The following LINGO2 variants were observed in gnomAD, a reference collection of about 807,000 sequenced individuals.
LINGO2 encodes leucine-rich repeat and immunoglobulin-like domain-containing nogo receptor-interacting protein 2.
In LINGO2, 14 loss-of-function variants were observed where a neutral mutation model predicts 30.6. The ratio of observed to expected loss-of-function variants is 0.46; its 90% CI spans 0.30 to 0.72. LINGO2 has a LOEUF of 0.72. Among genes scored for constraint, LINGO2 ranks in the 30% least tolerant of loss-of-function variants. The pLI is 0.07. For missense variants in LINGO2, 729 were observed against 751.7 expected (o/e 0.97, Z 0.35); for synonymous variants, 317 against 288.5 (o/e 1.10, Z -1.00).
chr9:29,105,027 G>C, the LINGO2 span, among the ~76,000 whole-genome samples: 1 of 152,086 alleles, frequency 6.6e-6, no homozygotes, highest in South Asian at 2.1e-4. Context: ...TAACAACAGA[G>C]CTATGAACAT....
At chr9:28,354,665 T>C (rs1254518480) in intron 3 of LINGO2, among the ~76,000 whole-genome samples, 1 of 152,208 alleles carries the variant, frequency 6.6e-6, no homozygotes, top group Non-Finnish European at 1.5e-5. Flanking sequence ...AACAACCCTG[T>C]ACACATTTTT....
chr9:28,083,261 C>T (rs1476897588), intron 4 of LINGO2, among the ~76,000 whole-genome samples: 3 of 152,198 alleles, frequency 2.0e-5, no homozygotes, highest in Non-Finnish European at 4.4e-5. Context: ...CTCTGTCATT[C>T]CTGGCTTTGG....
the LINGO2 span, among the ~76,000 whole-genome samples, chr9:28,790,325 C>CTTTTTTTTTTTTTTTTTTTTTTTTTTTT: frequency 7.5e-5 from 8 of 106,300 alleles, no homozygotes; most frequent in African/African-American, 1.6e-4. Flanking sequence ...TCTTTTCTTT[C>CTTTTTTTTTTTTTTTTTTTTTTTTTTTT]TTTTTTTTTT....
At chr9:28,136,043 G>T (rs1034821284) in intron 4 of LINGO2, among the ~76,000 whole-genome samples, 1 of 152,038 alleles carries the variant, frequency 6.6e-6, no homozygotes, top group Admixed American at 6.5e-5. Flanking sequence ...TATTTCTAAG[G>T]TTTCTTCAAT....
intron 4 of LINGO2, among the ~76,000 whole-genome samples, chr9:28,274,989 G>A: frequency 6.6e-6 from 1 of 152,176 alleles, no homozygotes; most frequent in Non-Finnish European, 1.5e-5. Context: ...TTTCCTGTCA[G>A]TATGAGTATC....
the LINGO2 span, among the ~76,000 whole-genome samples, chr9:29,152,848 G>A: frequency 4.0e-5 from 6 of 151,844 alleles, no homozygotes; most frequent in Non-Finnish European, 5.9e-5. Context: ...ACTAGCTTCC[G>A]GGTATTTTCT....
At chr9:28,349,739 C>T (rs1418123079) in intron 3 of LINGO2, among the ~76,000 whole-genome samples, 1 of 148,578 alleles carries the variant, frequency 6.7e-6, no homozygotes, top group Non-Finnish European at 1.5e-5. Flanking sequence ...ATGTTAAGGG[C>T]AGCCAGAGAG....
At chr9:28,551,753 T>A (rs758680278) in intron 1 of LINGO2, among the ~76,000 whole-genome samples, 2 of 152,088 alleles carry the variant, frequency 1.3e-5, no homozygotes, top group Non-Finnish European at 2.9e-5. Context: ...AGACACTGTA[T>A]ATTGACATTC....
the LINGO2 span, among the ~76,000 whole-genome samples, chr9:29,149,300 G>A: frequency 6.6e-6 from 1 of 151,800 alleles, no homozygotes; most frequent in African/African-American, 2.4e-5. Context: ...ACCAGCCTGG[G>A]CAACACTGCC....
chr9:28,551,575 T>C (rs72713588), intron 1 of LINGO2, among the ~76,000 whole-genome samples: 6,077 of 152,068 alleles, frequency 0.04, 170 homozygotes, highest in Non-Finnish European at 0.057. Context: ...AATTCAGTGG[T>C]TGTACACAAA....
At chr9:28,058,508 T>A (rs1176670691) in intron 4 of LINGO2, among the ~76,000 whole-genome samples, 2 of 152,168 alleles carry the variant, frequency 1.3e-5, no homozygotes, top group Admixed American at 1.3e-4. Flanking sequence ...TAGTTTCTCT[T>A]ACTGGACTTA....
chr9:28,149,586 G>A (rs539500039), intron 4 of LINGO2, among the ~76,000 whole-genome samples: 363 of 146,732 alleles, frequency 2.5e-3, no homozygotes, highest in Non-Finnish European at 3.9e-3. Context: ...TGTGGAGTCC[G>A]CCGCCCTGTC....
chr9:28,986,503 A>G, the LINGO2 span, among the ~76,000 whole-genome samples: 1 of 152,176 alleles, frequency 6.6e-6, no homozygotes, highest in South Asian at 2.1e-4. Context: ...TCCAATATAT[A>G]AACACAAACC....
chr9:28,199,630 G>T (rs765268920), intron 4 of LINGO2, among the ~76,000 whole-genome samples: 2 of 152,040 alleles, frequency 1.3e-5, no homozygotes, highest in African/African-American at 2.4e-5. Context: ...GAGCCACTGC[G>T]CCTGGCCCCT....
chr9:28,218,338 T>A (rs1480715729), intron 4 of LINGO2, among the ~76,000 whole-genome samples: 1 of 151,816 alleles, frequency 6.6e-6, no homozygotes, highest in African/African-American at 2.4e-5. Flanking sequence ...ATGAGGTCCC[T>A]AAGCTAGTTA....
chr9:29,045,864 G>T, the LINGO2 span, among the ~76,000 whole-genome samples: 1 of 152,122 alleles, frequency 6.6e-6, no homozygotes, highest in African/African-American at 2.4e-5. Context: ...TCACCTCCCT[G>T]GTTGGCTATA....
At chr9:28,826,041 A>G in the LINGO2 span, among the ~76,000 whole-genome samples, 1 of 152,204 alleles carries the variant, frequency 6.6e-6, no homozygotes, top group African/African-American at 2.4e-5. Flanking sequence ...ATGATAATTC[A>G]GTTACCTTAA....
chr9:28,180,954 G>A (rs1828894786), intron 4 of LINGO2, among the ~76,000 whole-genome samples: 3 of 152,134 alleles, frequency 2.0e-5, no homozygotes, highest in Non-Finnish European at 4.4e-5. Context: ...AGCCTTCTAT[G>A]TACTTTCACA....
chr9:28,951,974 C>T, the LINGO2 span, among the ~76,000 whole-genome samples: 2 of 152,050 alleles, frequency 1.3e-5, no homozygotes, highest in Non-Finnish European at 2.9e-5. Flanking sequence ...TAGAGAAATG[C>T]AAATCAAAAC....
Sources: gnomAD v4.1 joint callset for allele counts (sites outside exome capture counted in the v4.1 genomes callset) on GRCh38, gnomAD v4.1.1 for gene constraint, MANE v1.5 for transcripts, NCBI Gene and HGNC (gene_info 2026-07-23, HGNC 2026-07-21) for gene names.